Variants in GPC6 observed in about 807,000 individuals in gnomAD.
The protein encoded by GPC6 is glypican-6.
In GPC6, 14 loss-of-function variants were observed where a neutral mutation model predicts 55.2. The observed-to-expected ratio is 0.25, with a 90% CI of 0.17 to 0.40. GPC6 has a LOEUF of 0.40. Ranked by LOEUF, GPC6 falls within the 10% of genes least tolerant of loss-of-function variation. GPC6 has a pLI of 1.00. For missense variants in GPC6, 641 were observed against 708.5 expected (o/e 0.90, Z 1.08); for synonymous variants, 278 against 259.6 (o/e 1.07, Z -0.68).
chr13:93,675,713 A>C (rs1351917839), intron 2 of GPC6, among the ~76,000 whole-genome samples: 2 of 152,134 alleles, frequency 1.3e-5, no homozygotes, highest in Non-Finnish European at 2.9e-5. Flanking sequence ...GCAAACCCTC[A>C]GACTATTTTA....
chr13:94,287,689 T>G (rs1413552593), intron 5 of GPC6, among the ~76,000 whole-genome samples: 1 of 152,140 alleles, frequency 6.6e-6, no homozygotes. Flanking sequence ...GTTGGGGAAA[T>G]AGCACATTTG....
chr13:93,236,769 A>G (rs1226848868), intron 1 of GPC6, among the ~76,000 whole-genome samples: 1 of 152,042 alleles, frequency 6.6e-6, no homozygotes, highest in Admixed American at 6.5e-5. Context: ...ATACCACTCT[A>G]TGTGCCCCTG....
chr13:94,206,406 C>T (rs1234572233), intron 4 of GPC6, among the ~76,000 whole-genome samples: 4 of 152,004 alleles, frequency 2.6e-5, no homozygotes, highest in Non-Finnish European at 5.9e-5. Context: ...TCTCAGCAGC[C>T]GTCTTCAGTA....
chr13:94,216,929 G>T (rs573104949), intron 4 of GPC6, among the ~76,000 whole-genome samples: 1 of 152,298 alleles, frequency 6.6e-6, no homozygotes, highest in South Asian at 2.1e-4. Context: ...TTTAAAGTCA[G>T]AAGATCTGGG....
chr13:94,119,145 A>G (rs994123532), intron 4 of GPC6, among the ~76,000 whole-genome samples: 3 of 152,200 alleles, frequency 2.0e-5, no homozygotes, highest in East Asian at 1.9e-4. Context: ...CATTTATTCA[A>G]TAATATTACT....
intron 4 of GPC6, among the ~76,000 whole-genome samples, chr13:94,075,574 C>G (rs1884884582): frequency 6.6e-6 from 1 of 152,230 alleles, no homozygotes; most frequent in Non-Finnish European, 1.5e-5. Flanking sequence ...TTATGCAAAA[C>G]TGAAACTTTA....
At chr13:94,006,841 A>G (rs941804854) in intron 3 of GPC6, among the ~76,000 whole-genome samples, 20 of 152,296 alleles carry the variant, frequency 1.3e-4, no homozygotes, top group African/African-American at 4.6e-4. Flanking sequence ...AAGTTTTTCA[A>G]GAACTGCAAA....
intron 6 of GPC6, among the ~76,000 whole-genome samples, chr13:94,360,518 T>C (rs976615901): frequency 6.6e-5 from 10 of 152,240 alleles, no homozygotes; most frequent in Admixed American, 5.2e-4. Context: ...GTTCTAGACA[T>C]AGGCATTGTT....
chr13:93,954,090 G>A (rs552354429), intron 3 of GPC6, among the ~76,000 whole-genome samples: 10 of 152,058 alleles, frequency 6.6e-5, no homozygotes, highest in African/African-American at 1.7e-4. Flanking sequence ...CCTGGAAACC[G>A]CCATTCTGCT....
chr13:94,018,570 C>T (rs1882574913), intron 3 of GPC6, among the ~76,000 whole-genome samples: 1 of 152,186 alleles, frequency 6.6e-6, no homozygotes, highest in African/African-American at 2.4e-5. Context: ...GGATTACAGG[C>T]ATGAGCCACT....
chr13:93,548,226 G>C (rs1354368359), intron 2 of GPC6, among the ~76,000 whole-genome samples: 2 of 152,072 alleles, frequency 1.3e-5, no homozygotes, highest in Admixed American at 6.5e-5. Context: ...TTCTTCCTCT[G>C]TTTCTGCTTT....
chr13:94,267,024 C>G (rs759313132), intron 4 of GPC6, among the ~76,000 whole-genome samples: 4 of 152,116 alleles, frequency 2.6e-5, no homozygotes, highest in Non-Finnish European at 5.9e-5. Context: ...AGTTTTAAGT[C>G]TTCTAAATTT....
At chr13:93,228,242 T>C (rs1486797172) in intron 1 of GPC6, among the ~76,000 whole-genome samples, 7 of 152,196 alleles carry the variant, frequency 4.6e-5, no homozygotes, top group Non-Finnish European at 1.0e-4. Flanking sequence ...GTTTGGGGAC[T>C]TCACGGGCTG....
chr13:93,470,841 C>T (rs1879084847), intron 1 of GPC6, among the ~76,000 whole-genome samples: 1 of 151,608 alleles, frequency 6.6e-6, no homozygotes, highest in Non-Finnish European at 1.5e-5. Context: ...AAATGTTATC[C>T]ATTTCATCAT....
chr13:93,656,479 A>T (rs1205226166), intron 2 of GPC6, among the ~76,000 whole-genome samples: 1 of 152,116 alleles, frequency 6.6e-6, no homozygotes, highest in Admixed American at 6.6e-5. Flanking sequence ...CCACAGAAAG[A>T]TAATGTTATA....
chr13:93,254,786 C>T (rs1876899255), intron 1 of GPC6, among the ~76,000 whole-genome samples: 1 of 152,070 alleles, frequency 6.6e-6, no homozygotes, highest in African/African-American at 2.4e-5. Context: ...AGCCTCTATT[C>T]TCATTTGGAA....
chr13:94,171,921 C>T (rs779265124), intron 4 of GPC6, among the ~76,000 whole-genome samples: 4 of 152,138 alleles, frequency 2.6e-5, no homozygotes, highest in Non-Finnish European at 5.9e-5. Flanking sequence ...GGAAGGTGTA[C>T]TAGCTGTACA....
chr13:94,400,983 C>T (rs1881106836), intron 8 of GPC6, among the ~76,000 whole-genome samples: 2 of 152,150 alleles, frequency 1.3e-5, no homozygotes, highest in African/African-American at 4.8e-5. Context: ...CATTCCAGGT[C>T]GCCTTTGCTG....
At chr13:94,026,984 T>G (rs1047540713) in intron 3 of GPC6, among the ~76,000 whole-genome samples, 4 of 152,252 alleles carry the variant, frequency 2.6e-5, no homozygotes, top group Non-Finnish European at 5.9e-5. Context: ...ATATCCTGTC[T>G]TAAATATTCC....
Sources: gnomAD v4.1 joint callset for allele counts (sites outside exome capture counted in the v4.1 genomes callset) on GRCh38, gnomAD v4.1.1 for gene constraint, MANE v1.5 for transcripts, NCBI Gene and HGNC (gene_info 2026-07-23, HGNC 2026-07-21) for gene names.